The following TSHZ2 variants were observed in gnomAD, a reference collection of about 807,000 sequenced individuals.
TSHZ2 encodes the protein teashirt zinc finger homeobox 2.
Under a neutral mutation model 74.4 loss-of-function variants are expected in TSHZ2, and 21 were observed. That is an observed-to-expected ratio of 0.28 (90% CI 0.20 to 0.41). The LOEUF (loss-of-function observed/expected upper bound fraction) is 0.41. TSHZ2 is among the 10% of genes least tolerant of loss of function. TSHZ2 has a pLI of 1.00. For synonymous variants in TSHZ2, 540 were observed against 515.3 expected, an observed-to-expected ratio of 1.05 and a Z score of -0.65; for missense variants, 1,244 against 1,293.5, an observed-to-expected ratio of 0.96 and a Z score of 0.59.
chr20:53,009,356 A>T (rs1982768740), intron 1 of TSHZ2, among the ~76,000 whole-genome samples: 1 of 151,946 alleles, frequency 6.6e-6, no homozygotes, highest in Admixed American at 6.6e-5. Flanking sequence ...TCACAACAAA[A>T]CAAAAAATAT....
chr20:53,226,426 C>CGG (rs2123656854), intron 1 of TSHZ2, among the ~76,000 whole-genome samples: 1 of 146,916 alleles, frequency 6.8e-6, no homozygotes, highest in South Asian at 2.2e-4. Flanking sequence ...GTGTGTGGGT[C>CGG]GGTGTGTGTA....
At chr20:53,264,004 T>C (rs1188516354) in intron 2 of TSHZ2, among the ~76,000 whole-genome samples, 2 of 152,098 alleles carry the variant, frequency 1.3e-5, no homozygotes, top group Non-Finnish European at 2.9e-5. Flanking sequence ...ATCAGGTGAG[T>C]TGGTCACCCT....
chr20:53,401,510 T>G (rs1167432965), intron 2 of TSHZ2, among the ~76,000 whole-genome samples: 1 of 152,038 alleles, frequency 6.6e-6, no homozygotes, highest in East Asian at 1.9e-4. Context: ...CAGTGTACAC[T>G]ATACACAATG....
chr20:53,361,919 TG>T (rs1419147697), intron 2 of TSHZ2, among the ~76,000 whole-genome samples: 4 of 29,910 alleles, frequency 1.3e-4, no homozygotes, highest in African/African-American at 1.1e-3. Flanking sequence ...GTTGTTGTTT[TG>T]TGTTTTTTTT....
At chr20:53,354,469 A>C (rs1029188797) in intron 2 of TSHZ2, among the ~76,000 whole-genome samples, 3 of 152,282 alleles carry the variant, frequency 2.0e-5, no homozygotes, top group African/African-American at 7.2e-5. Flanking sequence ...GAAAGCATTT[A>C]ATTTAAGCAC....
At chr20:53,105,111 T>A (rs958426291) in intron 1 of TSHZ2, among the ~76,000 whole-genome samples, 1 of 152,200 alleles carries the variant, frequency 6.6e-6, no homozygotes, top group African/African-American at 2.4e-5. Context: ...GAGAGCTAGC[T>A]AAGGAAGCCA....
At chr20:52,996,443 G>A (rs2122939529) in intron 1 of TSHZ2, among the ~76,000 whole-genome samples, 1 of 152,126 alleles carries the variant, frequency 6.6e-6, no homozygotes, top group South Asian at 2.1e-4. Context: ...GATGTGGTGA[G>A]GTTGAACAGG....
At chr20:53,088,494 G>T (rs189304166) in intron 1 of TSHZ2, among the ~76,000 whole-genome samples, 13 of 152,122 alleles carry the variant, frequency 8.5e-5, no homozygotes, top group African/African-American at 3.1e-4. Context: ...GGATCTCAGC[G>T]TTGGCCCTCC....
At chr20:53,345,598 CAG>C (rs1371270982) in intron 2 of TSHZ2, among the ~76,000 whole-genome samples, 1 of 152,112 alleles carries the variant, frequency 6.6e-6, no homozygotes, top group African/African-American at 2.4e-5. Context: ...TACCATGACT[CAG>C]AGAACGATCT....
intron 1 of TSHZ2, among the ~76,000 whole-genome samples, chr20:53,217,153 G>A (rs1022972410): frequency 6.6e-6 from 1 of 152,202 alleles, no homozygotes; most frequent in Non-Finnish European, 1.5e-5. Context: ...GGCCCACCCG[G>A]TGAAGCTGTG....
chr20:53,135,733 G>T (rs919068191), intron 1 of TSHZ2, among the ~76,000 whole-genome samples: 2 of 151,930 alleles, frequency 1.3e-5, no homozygotes, highest in African/African-American at 2.4e-5. Flanking sequence ...CAGAAGTGAG[G>T]CTGGAACTAC....
At chr20:52,999,741 C>T (rs1339362263) in intron 1 of TSHZ2, among the ~76,000 whole-genome samples, 2 of 152,134 alleles carry the variant, frequency 1.3e-5, no homozygotes, top group Non-Finnish European at 2.9e-5. Flanking sequence ...TTTCCTTGGG[C>T]AAACTGGGAT....
chr20:53,280,779 G>A (rs571130189), intron 2 of TSHZ2, among the ~76,000 whole-genome samples: 6 of 152,048 alleles, frequency 3.9e-5, no homozygotes, highest in East Asian at 3.9e-4. Flanking sequence ...TGCAACCTCC[G>A]CCTCCTGGGT....
At chr20:53,140,157 G>GA (rs1987352253) in intron 1 of TSHZ2, among the ~76,000 whole-genome samples, 1 of 151,474 alleles carries the variant, frequency 6.6e-6, no homozygotes, top group Non-Finnish European at 1.5e-5. Context: ...ACAAAAAGAA[G>GA]AAAAAAGGGA....
At chr20:53,143,388 T>A (rs553202407) in intron 1 of TSHZ2, among the ~76,000 whole-genome samples, 3 of 152,258 alleles carry the variant, frequency 2.0e-5, no homozygotes, top group Admixed American at 2.0e-4. Flanking sequence ...AGAAACACAT[T>A]CTTCACAAAA....
chr20:53,354,463 GC>G (rs1273338419), intron 2 of TSHZ2, among the ~76,000 whole-genome samples: 2 of 152,218 alleles, frequency 1.3e-5, no homozygotes, highest in African/African-American at 4.8e-5. Context: ...ACTGAAGAAA[GC>G]ATTTAATTTA....
intron 1 of TSHZ2, among the ~76,000 whole-genome samples, chr20:53,215,639 G>A (rs1028371654): frequency 5.4e-4 from 82 of 151,864 alleles, no homozygotes; most frequent in African/African-American, 2.0e-3. Context: ...GGCCAAGGCA[G>A]GTGGATCACC....
chr20:52,973,110 G>C lies in TSHZ2; in HGVS notation c.-184G>C, dbSNP rs968655142. 4.6e-6 allele frequency: 3 copies of C among 658,294 alleles called. No homozygotes were observed. Among genetic ancestry groups the C allele is most frequent in the Non-Finnish European group, 7.5e-6 (3 of 398,892 alleles). 40.8% of individuals were successfully genotyped at this position (658,294 alleles called of 1,614,324 possible). Reference sequence around the variant, plus strand: ...GCCACCCGTGTCTGCCACCCAGAGAGGGGGGTCTCTGGCCCGTGGTGGAGG... The same window carrying C: ...GCCACCCGTGTCTGCCACCCAGAGACGGGGGTCTCTGGCCCGTGGTGGAGG... On this transcript the variant is annotated 5_prime_UTR_variant, in exon 1 of 3. Transcript: ENST00000371497.
At chr20:53,469,542 AAAGAAAGAAGGAGGGAAGGAAGGAAGG>A (rs1425612051) in intron 2 of TSHZ2, among the ~76,000 whole-genome samples, 6 of 145,512 alleles carry the variant, frequency 4.1e-5, no homozygotes, top group Admixed American at 3.6e-4. Flanking sequence ...TCTGTCAAGA[AAAGAAAGAAGGAGGGAAGGAAGGAAGG>A]AAGGAAGGAA....
Sources: allele counts gnomAD v4.1 joint callset (sites outside exome capture counted in the v4.1 genomes callset), GRCh38; gene constraint gnomAD v4.1.1; transcripts MANE v1.5; gene names NCBI Gene and HGNC (gene_info 2026-07-23, HGNC 2026-07-21).